TMEM87B: variants seen among roughly 807,000 people sequenced by gnomAD.
TMEM87B encodes transmembrane protein 87B.
A neutral mutation model predicts 80.3 loss-of-function variants in TMEM87B; 83 were observed. The observed-to-expected ratio is 1.03, with a 90% confidence interval of 0.87 to 1.24. TMEM87B has a LOEUF of 1.24. TMEM87B is among the 50% of genes most tolerant of loss of function. TMEM87B has a pLI of 0.00. For missense variants in TMEM87B, 625 were observed against 674.4 expected, an observed-to-expected ratio of 0.93 and a Z score of 0.81; for synonymous variants, 219 against 230.5, an observed-to-expected ratio of 0.95 and a Z score of 0.45.
intron 18 of TMEM87B, among the ~76,000 whole-genome samples, chr2:112,115,649 T>G (rs1281342538): frequency 6.6e-6 from 1 of 152,214 alleles, no homozygotes; most frequent in Admixed American, 6.5e-5. Flanking sequence ...GAGCTAGGCC[T>G]AAGAAATCCA....
At chr2:112,059,854 C>A in intron 1 of TMEM87B, 123 bp from the exon 2 acceptor site, 2 of 1,264,076 alleles carry the variant, frequency 1.6e-6, no homozygotes, top group East Asian at 2.8e-5. Context: ...ATCAGATTTA[C>A]GTTAAAAAAA....
chr2:112,107,832 C>A lies in TMEM87B; in HGVS notation c.1569C>A (p.Phe523Leu). Residue 523 changes from phenylalanine to leucine, a missense_variant, in exon 17 of 19, where the codon TTC (phenylalanine) becomes TTA (leucine). By Grantham distance (22) the Phe-to-Leu change is conservative. Transcript: ENST00000283206. ...KWVEENIPSS[F>L]TDVALPVLVD... ...TAGAAGAAAATATTCCCTCTTCATT[C>A]ACAGATGTGTAAGTTATCTTCTGTT... 6 of 1,584,598 alleles carry A rather than the reference C, an allele frequency of 3.8e-6. No homozygotes were observed. The highest frequency in any genetic ancestry group is 4.3e-6 in the Non-Finnish European group (5 of 1,158,000).
intron 1 of TMEM87B, 122 bp from the exon 2 acceptor site, chr2:112,059,855 G>A (rs904931072): frequency 1.6e-5 from 21 of 1,278,056 alleles, no homozygotes; most frequent in Non-Finnish European, 2.1e-5. Flanking sequence ...TCAGATTTAC[G>A]TTAAAAAAAT....
At chr2:112,061,919 G>T (rs1245120842) in intron 2 of TMEM87B, among the ~76,000 whole-genome samples, 2 of 152,214 alleles carry the variant, frequency 1.3e-5, no homozygotes, top group Non-Finnish European at 2.9e-5. Context: ...GGGGCTGGCA[G>T]TTGTGGATAT....
At chr2:112,081,258 G>T in intron 7 of TMEM87B, 77 bp from the exon 8 acceptor site, 2 of 1,455,588 alleles carry the variant, frequency 1.4e-6, no homozygotes, top group Non-Finnish European at 9.4e-7. Context: ...ATGAAGGGTT[G>T]GATACTTGAA....
chr2:112,060,041 A>C lies in TMEM87B; in HGVS notation c.226+4A>C. The C allele has an allele frequency of 6.4e-7, 1 of 1,573,356 alleles. No homozygotes were observed. The highest frequency in any genetic ancestry group is 8.7e-7 in the Non-Finnish European group (1 of 1,154,732). The stretch of plus-strand genomic sequence containing the variant: ...TCTACAGATATCAAGTTATCTGGTA[A>C]GTATAATAAAACAATAAAATACTAG... On this transcript the variant is annotated splice_donor_region_variant and intron_variant, in intron 2 of 18. Coordinates refer to ENST00000283206, the MANE Select transcript of TMEM87B (RefSeq NM_032824.3).
rs576844868 is a variant in TMEM87B at position 112,066,490 on chromosome 2, T to A, written c.319-446T>A. 1.5e-4 allele frequency among the ~76,000 whole-genome samples: 23 copies of A among 152,342 alleles called. 1 individual carries two copies. Among genetic ancestry groups the A allele is most frequent in the African/African-American group, 5.5e-4 (23 of 41,574 alleles). The stretch of plus-strand genomic sequence containing the variant: ...AAGGATGCCAGGAACCTCAGGTAGT[T>A]GTGTAAATGAGCGTCTCCTCTGCAC... On this transcript the variant is annotated intron_variant, in intron 3 of 18. Transcript: ENST00000283206.
intron 4 of TMEM87B, among the ~76,000 whole-genome samples, chr2:112,069,285 A>G (rs1199856784): frequency 6.6e-6 from 1 of 150,958 alleles, no homozygotes; most frequent in Non-Finnish European, 1.5e-5. Flanking sequence ...TTTAGTACCC[A>G]ATAGTCATTT....
At chr2:112,071,257 CTTGGCTTGGCTG>C (rs1354536315) in intron 4 of TMEM87B, among the ~76,000 whole-genome samples, 2 of 152,160 alleles carry the variant, frequency 1.3e-5, no homozygotes, top group Non-Finnish European at 2.9e-5. Context: ...TGATTTGGCT[CTTGGCTTGGCTG>C]TTGTTGGTGT....
Position 112,055,657 on chromosome 2 carries a change from G to T in TMEM87B, c.66G>T (p.Arg22=). ...LPRRRRCFPA[R]APLLRVALCL... is the part of the protein sequence containing the mutation. Reference sequence around the variant, plus strand: ...GCCGCCGCCGCTGCTTTCCCGCCCGGGCCCCGCTGCTGCGCGTCGCCCTCT... The same window carrying T: ...GCCGCCGCCGCTGCTTTCCCGCCCGTGCCCCGCTGCTGCGCGTCGCCCTCT... Residue 22 remains arginine, a synonymous_variant, in exon 1 of 19, where the codon CGG becomes CGT. Coordinates refer to ENST00000283206, the MANE Select transcript of TMEM87B (RefSeq NM_032824.3). 3 of 1,576,510 alleles carry T rather than the reference G, an allele frequency of 1.9e-6. No individual in the cohort carries two copies. Among genetic ancestry groups the T allele is most frequent in the Non-Finnish European group, 2.6e-6 (3 of 1,164,482 alleles).
chr2:112,057,095 A>T (rs1678097829), intron 1 of TMEM87B, among the ~76,000 whole-genome samples: 1 of 152,166 alleles, frequency 6.6e-6, no homozygotes, highest in Admixed American at 6.5e-5. Flanking sequence ...TTGCTCCTTG[A>T]GTGCTGCATG....
intron 10 of TMEM87B, among the ~76,000 whole-genome samples, chr2:112,090,721 A>T (rs1573712157): frequency 6.6e-6 from 1 of 151,988 alleles, no homozygotes; most frequent in Non-Finnish European, 1.5e-5. Context: ...ATGAGCTACC[A>T]CTCATGGTTG....
intron 1 of TMEM87B, among the ~76,000 whole-genome samples, chr2:112,058,645 G>A (rs1678155248): frequency 2.6e-5 from 4 of 152,174 alleles, no homozygotes; most frequent in Admixed American, 2.6e-4. Context: ...ATGTGAATGA[G>A]GGAGCCATTG....
chr2:112,059,253 A>G (rs764723828), intron 1 of TMEM87B, among the ~76,000 whole-genome samples: 2 of 152,132 alleles, frequency 1.3e-5, no homozygotes, highest in Non-Finnish European at 2.9e-5. Flanking sequence ...CAACTAATCA[A>G]TTATTTGATT....
chr2:112,076,073 C>T (rs1238769949), intron 5 of TMEM87B, among the ~76,000 whole-genome samples: 1 of 152,070 alleles, frequency 6.6e-6, no homozygotes, highest in Non-Finnish European at 1.5e-5. Context: ...CTAACTTCCT[C>T]TTCCCCCAAT....
At chr2:112,101,780 A>G (rs1423252099) in intron 15 of TMEM87B, among the ~76,000 whole-genome samples, 1 of 152,218 alleles carries the variant, frequency 6.6e-6, no homozygotes, top group African/African-American at 2.4e-5. Context: ...CAGTAAGACA[A>G]ACTTCTAATG....
chr2:112,074,918 G>T lies in TMEM87B; in HGVS notation c.457G>T (p.Glu153Ter), dbSNP rs758819994. The T allele has an allele frequency of 3.2e-6, 5 of 1,574,892 alleles. No homozygotes were observed. The Admixed American group carries it at 5.4e-5, about 17-fold the overall frequency. The change falls in exon 5 of 19, where the codon GAA (glutamate) becomes TAA (stop). Residue 153 changes from glutamate (E) to a stop codon, truncating the protein, a stop_gained. Transcript: ENST00000283206. LOFTEE classifies it high-confidence loss of function. ...TATTTACTCTTTTTTCCAGAATAAA[G>T]AACTAATAAATATCAGAAATGTTTC... ...SQVFPSLNNKELINIRNVSNQ... is the reference protein window; with the variant it reads ...SQVFPSLNNK
chr2:112,056,734 T>C (rs1678080884), intron 1 of TMEM87B, among the ~76,000 whole-genome samples: 2 of 152,180 alleles, frequency 1.3e-5, no homozygotes, highest in South Asian at 4.1e-4. Flanking sequence ...CAAAAGCTAC[T>C]CAGAGGAACA....
At chr2:112,098,777 C>A in intron 14 of TMEM87B, 79 bp downstream of exon 14, 2 of 1,355,144 alleles carry the variant, frequency 1.5e-6, no homozygotes, top group South Asian at 1.2e-5. Context: ...TTTATAGAAA[C>A]CAGGAGAATA....
Sources: gnomAD v4.1 joint callset for allele counts (sites outside exome capture counted in the v4.1 genomes callset) on GRCh38, gnomAD v4.1.1 for gene constraint, MANE v1.5 for transcripts, NCBI Gene and HGNC (gene_info 2026-07-23, HGNC 2026-07-21) for gene names.